Variants in BCKDHB observed in about 807,000 individuals in gnomAD.
BCKDHB encodes 2-oxoisovalerate dehydrogenase subunit beta, mitochondrial.
In BCKDHB, 41 loss-of-function variants were observed where a neutral mutation model predicts 48.5. The ratio of observed to expected loss-of-function variants is 0.85; its 90% CI spans 0.66 to 1.10. BCKDHB has a LOEUF of 1.10. Among genes scored for constraint, BCKDHB ranks in the 50% least tolerant of loss-of-function variants. The pLI is 0.00. For missense variants in BCKDHB, 496 were observed against 494.2 expected, an observed-to-expected ratio of 1.00 and a Z score of -0.03; for synonymous variants, 201 against 174.8, an observed-to-expected ratio of 1.15 and a Z score of -1.18.
At chr6:80,419,226 G>A in the BCKDHB span, among the ~76,000 whole-genome samples, 1 of 152,178 alleles carries the variant, frequency 6.6e-6, no homozygotes, top group Non-Finnish European at 1.5e-5. Flanking sequence ...CATGGGTCTG[G>A]GGGAAGCTGC....
intron 8 of BCKDHB, among the ~76,000 whole-genome samples, chr6:80,230,066 T>C (rs1194944100): frequency 1.7e-5 from 2 of 117,984 alleles, no homozygotes; most frequent in South Asian, 3.1e-4. Flanking sequence ...TGAGACGGAG[T>C]CTCACTCTTT....
chr6:80,413,679 T>G, the BCKDHB span, among the ~76,000 whole-genome samples: 1 of 152,210 alleles, frequency 6.6e-6, no homozygotes, highest in Non-Finnish European at 1.5e-5. Context: ...TATACTACAT[T>G]TTCTTTATCC....
the BCKDHB span, among the ~76,000 whole-genome samples, chr6:80,398,400 C>A: frequency 1.3e-5 from 2 of 151,974 alleles, no homozygotes; most frequent in Non-Finnish European, 2.9e-5. Flanking sequence ...TGAATGTTAC[C>A]ACTGACCACA....
intron 9 of BCKDHB, among the ~76,000 whole-genome samples, chr6:80,282,372 C>A (rs879586648): frequency 2.6e-5 from 4 of 152,052 alleles, no homozygotes; most frequent in Admixed American, 6.6e-5. Flanking sequence ...GAATGTGTAT[C>A]GAGACTCTTC....
chr6:80,379,961 C>A, the BCKDHB span, among the ~76,000 whole-genome samples: 7 of 151,978 alleles, frequency 4.6e-5, no homozygotes, highest in African/African-American at 9.7e-5. Flanking sequence ...GAAAAATACC[C>A]CATGCTCATG....
At chr6:80,442,116 C>T in the BCKDHB span, among the ~76,000 whole-genome samples, 1 of 152,094 alleles carries the variant, frequency 6.6e-6, no homozygotes, top group Admixed American at 6.5e-5. Flanking sequence ...ATCTTCAATT[C>T]AGTCAATCTA....
the BCKDHB span, among the ~76,000 whole-genome samples, chr6:80,440,528 C>T: frequency 6.6e-6 from 1 of 152,142 alleles, no homozygotes; most frequent in Admixed American, 6.5e-5. Context: ...TTAGATTACA[C>T]TGATCAGTCT....
the BCKDHB span, among the ~76,000 whole-genome samples, chr6:80,446,235 G>T: frequency 6.6e-6 from 1 of 152,178 alleles, no homozygotes; most frequent in African/African-American, 2.4e-5. Flanking sequence ...CAGTTTAGAT[G>T]GATCATTAGT....
intron 3 of BCKDHB, among the ~76,000 whole-genome samples, chr6:80,139,237 C>A (rs892823669): frequency 1.7e-4 from 26 of 152,000 alleles, no homozygotes; most frequent in African/African-American, 5.6e-4. Context: ...TGAAAATTTT[C>A]TCCCATTTTG....
intron 1 of BCKDHB, among the ~76,000 whole-genome samples, chr6:80,109,637 T>C (rs1352601391): frequency 6.6e-6 from 1 of 152,248 alleles, no homozygotes; most frequent in Non-Finnish European, 1.5e-5. Context: ...TGTTGAGGAA[T>C]ATTTTCCCAT....
the BCKDHB span, among the ~76,000 whole-genome samples, chr6:80,410,508 G>T: frequency 6.6e-6 from 1 of 151,780 alleles, no homozygotes; most frequent in Non-Finnish European, 1.5e-5. Flanking sequence ...TGCTAGTTTG[G>T]AGTTCTGCTG....
the BCKDHB span, among the ~76,000 whole-genome samples, chr6:80,439,498 C>T: frequency 6.6e-6 from 1 of 152,090 alleles, no homozygotes; most frequent in East Asian, 1.9e-4. Flanking sequence ...AGTAAGTAAG[C>T]ATTTCTTCTT....
At chr6:80,295,736 G>A (rs1039352387) in intron 9 of BCKDHB, among the ~76,000 whole-genome samples, 1 of 151,830 alleles carries the variant, frequency 6.6e-6, no homozygotes, top group Non-Finnish European at 1.5e-5. Flanking sequence ...AAACAAATAC[G>A]CTCCAAATTT....
At chr6:80,295,458 A>G (rs1179762483) in intron 9 of BCKDHB, among the ~76,000 whole-genome samples, 1 of 152,070 alleles carries the variant, frequency 6.6e-6, no homozygotes, top group Admixed American at 6.6e-5. Flanking sequence ...ACAGAACAGC[A>G]TGGAAAAGAC....
chr6:80,208,378 G>A (rs1046304980), intron 8 of BCKDHB, among the ~76,000 whole-genome samples: 5 of 151,424 alleles, frequency 3.3e-5, no homozygotes, highest in African/African-American at 1.2e-4. Flanking sequence ...TTAGGAAATA[G>A]GAATAAGAAT....
At chr6:80,394,045 C>T in the BCKDHB span, among the ~76,000 whole-genome samples, 7 of 152,216 alleles carry the variant, frequency 4.6e-5, no homozygotes, top group Admixed American at 3.9e-4. Context: ...CTTATAGAAT[C>T]CAGTGTTATT....
chr6:80,386,686 C>A, the BCKDHB span, among the ~76,000 whole-genome samples: 1 of 152,172 alleles, frequency 6.6e-6, no homozygotes, highest in Non-Finnish European at 1.5e-5. Flanking sequence ...AAGTGGCAAT[C>A]AGAATAGTAG....
chr6:80,447,734 T>C, the BCKDHB span, among the ~76,000 whole-genome samples: 1 of 152,128 alleles, frequency 6.6e-6, no homozygotes, highest in Admixed American at 6.6e-5. Flanking sequence ...GGGGGAAGTC[T>C]GACTTCTTTT....
Position 80,249,751 on chromosome 6 carries a change from AT to A in BCKDHB, c.952-23379del, listed in dbSNP as rs1310472644. ...AGTTTTAAAAGAGCTAGTGCTTAAT[AT>A]TTTTAAACTTCATTTATAAATTCCT... On this transcript the variant is annotated intron_variant, in intron 8 of 9. Coordinates refer to ENST00000320393, the MANE Select transcript of BCKDHB (RefSeq NM_183050.4). Among the ~76,000 whole-genome samples the A allele has an allele frequency of 9.8e-5, 15 of 152,302 alleles. No individual in the cohort carries two copies. The East Asian group carries it at 2.9e-3, about 29-fold the overall frequency.
Sources: allele counts gnomAD v4.1 joint callset (sites outside exome capture counted in the v4.1 genomes callset), GRCh38; gene constraint gnomAD v4.1.1; transcripts MANE v1.5; gene names NCBI Gene and HGNC (gene_info 2026-07-23, HGNC 2026-07-21).